SMIM31: variants seen among roughly 807,000 people sequenced by gnomAD.
The protein encoded by SMIM31 is small integral membrane protein 31.
chr4:164,800,011 A>G (rs1194479537), intron 2 of SMIM31, among the ~76,000 whole-genome samples: 1 of 152,214 alleles, frequency 6.6e-6, no homozygotes, highest in Non-Finnish European at 1.5e-5. Context: ...ACATTTAGAA[A>G]ACAGAACCAG....
intron 2 of SMIM31, among the ~76,000 whole-genome samples, chr4:164,774,355 A>C (rs1346473973): frequency 6.6e-6 from 1 of 152,174 alleles, no homozygotes; most frequent in East Asian, 1.9e-4. Context: ...AATCTGATGT[A>C]AGGGAAGGTA....
chr4:164,790,858 A>G (rs1733090930), intron 2 of SMIM31, among the ~76,000 whole-genome samples: 1 of 152,188 alleles, frequency 6.6e-6, no homozygotes. Flanking sequence ...AGACCTTAAC[A>G]ATTTTTAGAA....
intron 2 of SMIM31, among the ~76,000 whole-genome samples, chr4:164,773,060 A>G (rs905255847): frequency 1.3e-5 from 2 of 148,616 alleles, no homozygotes; most frequent in Admixed American, 1.3e-4. Context: ...AAAAAAGCAT[A>G]TATACTTCTC....
At chr4:164,793,710 G>A (rs79707837) in intron 2 of SMIM31, among the ~76,000 whole-genome samples, 1,852 of 152,198 alleles carry the variant, frequency 0.012, 25 homozygotes, top group African/African-American at 0.04. Context: ...CCATCCTTAT[G>A]ACCTCATTGA....
intron 2 of SMIM31, among the ~76,000 whole-genome samples, chr4:164,797,254 T>C (rs1002172821): frequency 6.6e-6 from 1 of 152,192 alleles, no homozygotes; most frequent in African/African-American, 2.4e-5. Flanking sequence ...CATGCTAACA[T>C]GCCATACATT....
chr4:164,782,611 G>C (rs1228968843), intron 2 of SMIM31, among the ~76,000 whole-genome samples: 1 of 118,540 alleles, frequency 8.4e-6, no homozygotes, highest in Admixed American at 7.7e-5. Flanking sequence ...GTGAGCCACT[G>C]CGCCCGGCCC....
At chr4:164,772,826 C>T (rs113771572) in intron 2 of SMIM31, among the ~76,000 whole-genome samples, 29,111 of 150,752 alleles carry the variant, frequency 0.19, 3,262 homozygotes, top group East Asian at 0.38. Context: ...GATCCGCCCG[C>T]CTCGGCCTCC....
chr4:164,792,429 G>A (rs1733114272), intron 2 of SMIM31, among the ~76,000 whole-genome samples: 1 of 152,016 alleles, frequency 6.6e-6, no homozygotes, highest in South Asian at 2.1e-4. Context: ...TAAATCATTA[G>A]CAATAATTTT....
chr4:164,788,781 C>A (rs1027863340), intron 2 of SMIM31, among the ~76,000 whole-genome samples: 1 of 152,012 alleles, frequency 6.6e-6, no homozygotes, highest in African/African-American at 2.4e-5. Flanking sequence ...CCACCACGCC[C>A]GGCCCTTTTC....
At chr4:164,783,788 T>C (rs922954453) in intron 2 of SMIM31, among the ~76,000 whole-genome samples, 2 of 151,952 alleles carry the variant, frequency 1.3e-5, no homozygotes, top group Admixed American at 1.3e-4. Context: ...CATACACACA[T>C]AAAAAGAAAA....
At chr4:164,768,539 T>G (rs1159279131) in intron 1 of SMIM31, among the ~76,000 whole-genome samples, 2 of 151,592 alleles carry the variant, frequency 1.3e-5, no homozygotes, top group Non-Finnish European at 2.9e-5. Flanking sequence ...AACAGCTGCC[T>G]CCTCTCAAAG....
chr4:164,783,082 T>G (rs35555498), intron 2 of SMIM31, among the ~76,000 whole-genome samples: 22,310 of 149,832 alleles, frequency 0.15, 4,386 homozygotes, highest in African/African-American at 0.46. Flanking sequence ...GCCAGGCACG[T>G]TGGCACACGC....
At chr4:164,782,377 A>ATTTTT (rs760284575) in intron 2 of SMIM31, among the ~76,000 whole-genome samples, 2 of 98,680 alleles carry the variant, frequency 2.0e-5, no homozygotes, top group African/African-American at 9.2e-5. Flanking sequence ...TCTTTCTTTT[A>ATTTTT]TTTTTTTTTT....
chr4:164,787,750 C>T (rs1027278705), intron 2 of SMIM31, among the ~76,000 whole-genome samples: 4 of 152,176 alleles, frequency 2.6e-5, no homozygotes, highest in Non-Finnish European at 5.9e-5. Flanking sequence ...TATGCACACT[C>T]TCATGTGCCC....
At chr4:164,782,402 G>A (rs1183215178) in intron 2 of SMIM31, among the ~76,000 whole-genome samples, 1 of 129,516 alleles carries the variant, frequency 7.7e-6, no homozygotes, top group Non-Finnish European at 1.6e-5. Flanking sequence ...TTTTTGAGAC[G>A]GAGTCTTGCT....
intron 2 of SMIM31, among the ~76,000 whole-genome samples, chr4:164,782,257 TC>T: frequency 6.6e-6 from 1 of 150,436 alleles, no homozygotes; most frequent in African/African-American, 2.5e-5. Context: ...GCCATTGCAC[TC>T]CACCTGGGCA....
intron 2 of SMIM31, among the ~76,000 whole-genome samples, chr4:164,782,357 C>T (rs867343729): frequency 8.0e-5 from 12 of 150,098 alleles, no homozygotes; most frequent in Non-Finnish European, 5.9e-5. Context: ...CTATAAAACA[C>T]TACTTTATCT....
chr4:164,766,188 G>C (rs1360316606), intron 1 of SMIM31, among the ~76,000 whole-genome samples: 1 of 152,146 alleles, frequency 6.6e-6, no homozygotes, highest in African/African-American at 2.4e-5. Flanking sequence ...CTGTTTTATG[G>C]AAACCTTAAA....
chr4:164,791,747 T>C (rs933110555), intron 2 of SMIM31, among the ~76,000 whole-genome samples: 4 of 152,222 alleles, frequency 2.6e-5, no homozygotes, highest in African/African-American at 9.6e-5. Context: ...TTTTAGTTAC[T>C]TGAATTTATT....
Sources: gnomAD v4.1 joint callset for allele counts (sites outside exome capture counted in the v4.1 genomes callset) on GRCh38, gnomAD v4.1.1 for gene constraint, MANE v1.5 for transcripts, NCBI Gene and HGNC (gene_info 2026-07-23, HGNC 2026-07-21) for gene names.